HDAC4: variants seen among roughly 807,000 people sequenced by gnomAD.
HDAC4 encodes histone deacetylase 4.
A neutral mutation model predicts 135.1 loss-of-function variants in HDAC4; 16 were observed. The observed-to-expected ratio is 0.12, with a 90% confidence interval of 0.08 to 0.18. The LOEUF is 0.18. Ranked by LOEUF, HDAC4 falls within the 10% of genes least tolerant of loss-of-function variation. HDAC4 has a pLI of 1.00. For missense variants in HDAC4, 1,143 were observed against 1,511.8 expected (o/e 0.76, Z 4.05); for synonymous variants, 685 against 653.4 (o/e 1.05, Z -0.74).
rs556802860 is a variant in HDAC4, at chr2:239,245,811, G to A, written c.23-9147C>T. Among the ~76,000 whole-genome samples the A allele has an allele frequency of 6.6e-6, 1 of 152,298 alleles. No homozygotes were observed. The highest frequency in any genetic ancestry group is 2.1e-4 in the South Asian group (1 of 4,822). ...TATGTCTTTCCTGAGCATCTGCTGG[G>A]TGATCTACCTAACTTGTTCCTTCAC... On this transcript the variant is annotated intron_variant, in intron 2 of 26. Transcript: ENST00000543185. The surrounding 1 kb of genome is among the most constrained non-coding windows in gnomAD (Gnocchi z 4.4).
At chr2:239,106,894 G>A (rs1442294955) in intron 15 of HDAC4, among the ~76,000 whole-genome samples, 1 of 152,156 alleles carries the variant, frequency 6.6e-6, no homozygotes, top group African/African-American at 2.4e-5. Context: ...GGAGGGGTGG[G>A]TGTGGATGTT....
intron 20 of HDAC4, among the ~76,000 whole-genome samples, chr2:239,082,778 A>G (rs757079139): frequency 6.6e-6 from 1 of 152,252 alleles, no homozygotes; most frequent in Non-Finnish European, 1.5e-5. Flanking sequence ...AATGGCAAGC[A>G]CCGTTTCTTA....
intron 2 of HDAC4, among the ~76,000 whole-genome samples, chr2:239,325,461 T>A (rs778735606): frequency 3.9e-5 from 6 of 152,174 alleles, no homozygotes; most frequent in Non-Finnish European, 8.8e-5. Flanking sequence ...AATAGGTACA[T>A]GAAAAGATGT....
At chr2:239,163,460 G>C (rs2042938814) in intron 6 of HDAC4, among the ~76,000 whole-genome samples, 1 of 152,044 alleles carries the variant, frequency 6.6e-6, no homozygotes, top group African/African-American at 2.4e-5. Flanking sequence ...CGTCACTCTG[G>C]AGGGGGGCCC....
At chr2:239,084,796 C>T (rs1304410860) in intron 19 of HDAC4, among the ~76,000 whole-genome samples, 1 of 149,764 alleles carries the variant, frequency 6.7e-6, no homozygotes, top group East Asian at 2.0e-4. Context: ...ACACACCCCA[C>T]ACACACCCCA....
At chr2:239,344,335 C>A (rs567905382) in intron 2 of HDAC4, among the ~76,000 whole-genome samples, 8 of 152,304 alleles carry the variant, frequency 5.3e-5, no homozygotes, top group Non-Finnish European at 1.0e-4. Flanking sequence ...CATTCAGCAT[C>A]TCAGAACTCA....
At chr2:239,265,757 C>G (rs2049686019) in intron 2 of HDAC4, among the ~76,000 whole-genome samples, 1 of 152,240 alleles carries the variant, frequency 6.6e-6, no homozygotes, top group South Asian at 2.1e-4. Flanking sequence ...ACAACAGTGT[C>G]AGAGACACCA....
At chr2:239,368,556 T>C (rs1425733018) in intron 1 of HDAC4, among the ~76,000 whole-genome samples, 2 of 151,844 alleles carry the variant, frequency 1.3e-5, no homozygotes, top group African/African-American at 4.8e-5. Context: ...CCTTCTCCAT[T>C]GGGGGATAAC....
intron 2 of HDAC4, among the ~76,000 whole-genome samples, chr2:239,325,137 C>T (rs1575696195): frequency 6.6e-6 from 1 of 152,248 alleles, no homozygotes; most frequent in East Asian, 1.9e-4. Context: ...CCATAAAACT[C>T]ATAGAAGAAA....
At position 239,382,051 on chromosome 2, in the gene HDAC4, G is replaced by A. The variant is rs563116902; in HGVS notation, c.-220+18927C>T. ...TACAGATCACATACGGCTCCCTAGG[G>A]CCAAGGGCTCTGCTTCCCCAAGGGC... On this transcript the variant is annotated intron_variant, in intron 1 of 26. Coordinates refer to ENST00000543185, the MANE Select transcript of HDAC4 (RefSeq NM_001378414.1). 2.0e-5 allele frequency among the ~76,000 whole-genome samples: 3 copies of A among 152,326 alleles called. No homozygotes were observed. The South Asian group carries it at 6.2e-4, about 32-fold the overall frequency.
chr2:239,145,090 G>A (rs1023685552), intron 7 of HDAC4, among the ~76,000 whole-genome samples: 1 of 152,114 alleles, frequency 6.6e-6, no homozygotes, highest in Non-Finnish European at 1.5e-5. Flanking sequence ...GCGATGTCTC[G>A]TAACTAATGC....
intron 12 of HDAC4, among the ~76,000 whole-genome samples, chr2:239,125,018 CG>C (rs1408378428): frequency 2.0e-5 from 3 of 150,046 alleles, no homozygotes; most frequent in South Asian, 2.1e-4. Context: ...TGTGACATTC[CG>C]GTGTGCCGGC....
intron 1 of HDAC4, among the ~76,000 whole-genome samples, chr2:239,372,133 C>G (rs1250781800): frequency 6.6e-6 from 1 of 152,158 alleles, no homozygotes; most frequent in Admixed American, 6.5e-5. Flanking sequence ...TGGGGAGCCT[C>G]CCTGAGGGTC....
At chr2:239,058,644 T>A (rs552459253) in intron 24 of HDAC4, among the ~76,000 whole-genome samples, 4 of 152,370 alleles carry the variant, frequency 2.6e-5, no homozygotes, top group African/African-American at 7.2e-5. Context: ...CAGGTTATTG[T>A]GATAAGACTT....
At chr2:239,117,235 G>A (rs2152816267) in intron 12 of HDAC4, among the ~76,000 whole-genome samples, 1 of 152,310 alleles carries the variant, frequency 6.6e-6, no homozygotes, top group Admixed American at 6.5e-5. Context: ...GTGGGGCTGT[G>A]GGAAGGGCAC....
At chr2:239,185,331 C>G (rs1409343024) in intron 4 of HDAC4, among the ~76,000 whole-genome samples, 1 of 146,522 alleles carries the variant, frequency 6.8e-6, no homozygotes, top group African/African-American at 2.5e-5. Flanking sequence ...GGGGAGAGGT[C>G]TGCCCTATGA....
In HDAC4 at chr2:239,262,132, C is replaced by T. The variant is rs907672356; in HGVS notation, c.23-25468G>A. On this transcript the variant is annotated intron_variant, in intron 2 of 26. Coordinates refer to ENST00000543185, the MANE Select transcript of HDAC4 (RefSeq NM_001378414.1). The surrounding 1 kb of genome is among the most constrained non-coding windows in gnomAD (Gnocchi z 4.1). ...CGCCGCCTGCAGTGACGCCGGGCCA[C>T]GCTCACCCCAAGGCCCAAGAAGGAG... Among the ~76,000 whole-genome samples the T allele has an allele frequency of 1.3e-5, 2 of 152,178 alleles. No individual in the cohort carries two copies. The highest frequency in any genetic ancestry group is 6.5e-5 in the Admixed American group (1 of 15,288).
rs1693228202 is a variant in HDAC4 at position 239,352,413 on chromosome 2, A to G, written c.22+265T>C. On this transcript the variant is annotated intron_variant, in intron 2 of 26. Coordinates refer to ENST00000543185, the MANE Select transcript of HDAC4 (RefSeq NM_001378414.1). The surrounding 1 kb of genome is among the most constrained non-coding windows in gnomAD (Gnocchi z 4.4). ...ACATCACCCTTGTCAAAAAGCATCGAGGAAACCTGTGTGCCTCTCAAGTCA... is the reference window on the plus strand; with the variant it reads ...ACATCACCCTTGTCAAAAAGCATCGGGGAAACCTGTGTGCCTCTCAAGTCA... Among the ~76,000 whole-genome samples, 1 of 152,276 alleles carries G rather than the reference A, an allele frequency of 6.6e-6. No individual in the cohort carries two copies. Among genetic ancestry groups the G allele is most frequent in the Non-Finnish European group, 1.5e-5 (1 of 68,022 alleles).
At chr2:239,083,547 AC>A (rs1385192395) in intron 20 of HDAC4, among the ~76,000 whole-genome samples, 2 of 152,248 alleles carry the variant, frequency 1.3e-5, no homozygotes, top group African/African-American at 2.4e-5. Context: ...ACCAAAGAGA[AC>A]ACTAAATATG....
Sources: allele counts gnomAD v4.1 joint callset (sites outside exome capture counted in the v4.1 genomes callset), GRCh38; gene constraint gnomAD v4.1.1; non-coding constraint Gnocchi (gnomAD v3.1); transcripts MANE v1.5; gene names NCBI Gene and HGNC (gene_info 2026-07-23, HGNC 2026-07-21).